The following MDGA2 variants were observed in gnomAD, a reference collection of about 807,000 sequenced individuals.
MDGA2 encodes the protein MAM domain containing glycosylphosphatidylinositol anchor 2.
MDGA2 carries 40 observed loss-of-function variants against 117.8 expected under a neutral mutation model. The observed-to-expected ratio is 0.34, with a 90% CI of 0.26 to 0.44. The LOEUF (loss-of-function observed/expected upper bound fraction) is 0.44, where lower values mean the gene tolerates loss of function less well. Ranked by LOEUF, MDGA2 falls within the 20% of genes least tolerant of loss-of-function variation. The pLI, the probability that MDGA2 is intolerant of heterozygous loss-of-function variation, is 1.00. For missense variants in MDGA2, 1,123 were observed against 1,250.6 expected, an observed-to-expected ratio of 0.90 and a Z score of 1.54; for synonymous variants, 452 against 439.0, an observed-to-expected ratio of 1.03 and a Z score of -0.37.
intron 1 of MDGA2, among the ~76,000 whole-genome samples, chr14:47,609,110 CAT>C (rs2138898200): frequency 6.6e-6 from 1 of 151,610 alleles, no homozygotes; most frequent in East Asian, 2.0e-4. Context: ...TATTTGGTTA[CAT>C]GAGTAAGTTC....
intron 8 of MDGA2, among the ~76,000 whole-genome samples, chr14:47,033,835 C>T (rs1888746398): frequency 6.6e-6 from 1 of 152,180 alleles, no homozygotes; most frequent in Non-Finnish European, 1.5e-5. Context: ...CCTTGTCTCT[C>T]ACCCCACACT....
intron 1 of MDGA2, among the ~76,000 whole-genome samples, chr14:47,561,163 G>GTTTTTT (rs1309865250): frequency 1.7e-4 from 14 of 83,870 alleles, no homozygotes; most frequent in Non-Finnish European, 2.4e-4. Flanking sequence ...GTTTTGTTTT[G>GTTTTTT]TTTTTTTGTT....
At chr14:46,895,075 G>A (rs1323312536) in intron 10 of MDGA2, among the ~76,000 whole-genome samples, 1 of 152,120 alleles carries the variant, frequency 6.6e-6, no homozygotes, top group Non-Finnish European at 1.5e-5. Flanking sequence ...TTAATAATTA[G>A]GGTTTGAGTT....
intron 1 of MDGA2, among the ~76,000 whole-genome samples, chr14:47,570,153 T>C (rs1895992190): frequency 6.6e-6 from 1 of 152,142 alleles, no homozygotes; most frequent in Non-Finnish European, 1.5e-5. Context: ...TTATCTTCTT[T>C]CTCAAATATG....
intron 1 of MDGA2, among the ~76,000 whole-genome samples, chr14:47,622,600 A>C (rs1479626563): frequency 3.3e-5 from 5 of 150,262 alleles, no homozygotes; most frequent in African/African-American, 1.2e-4. Context: ...TCTGTTGTCA[A>C]TTAAAGGTGG....
intron 3 of MDGA2, among the ~76,000 whole-genome samples, chr14:47,174,364 C>T (rs1397493570): frequency 6.6e-6 from 1 of 152,124 alleles, no homozygotes; most frequent in Non-Finnish European, 1.5e-5. Context: ...AGCACCACAC[C>T]ACACCTATTC....
intron 4 of MDGA2, among the ~76,000 whole-genome samples, chr14:47,139,517 A>G (rs751466146): frequency 7.2e-5 from 11 of 152,086 alleles, no homozygotes; most frequent in Non-Finnish European, 1.6e-4. Flanking sequence ...AGGTATGCCC[A>G]TATCTTGAAT....
intron 10 of MDGA2, among the ~76,000 whole-genome samples, chr14:46,908,069 C>T (rs755569888): frequency 2.0e-5 from 3 of 152,122 alleles, no homozygotes; most frequent in Non-Finnish European, 4.4e-5. Context: ...TATCATCACA[C>T]CACTATCATA....
At chr14:47,505,472 G>C (rs1354526424) in intron 1 of MDGA2, among the ~76,000 whole-genome samples, 1 of 152,066 alleles carries the variant, frequency 6.6e-6, no homozygotes, top group Non-Finnish European at 1.5e-5. Context: ...TCATAAATAA[G>C]TACAATTAAG....
intron 8 of MDGA2, among the ~76,000 whole-genome samples, chr14:46,982,203 G>A (rs1036709551): frequency 3.9e-5 from 6 of 152,024 alleles, no homozygotes; most frequent in Non-Finnish European, 5.9e-5. Flanking sequence ...TATCATACGA[G>A]TACTAACATG....
At chr14:47,565,208 A>G (rs1464341050) in intron 1 of MDGA2, among the ~76,000 whole-genome samples, 1 of 152,170 alleles carries the variant, frequency 6.6e-6, no homozygotes. Flanking sequence ...GAGTTGCCAG[A>G]GTTCTTGTGC....
At chr14:46,954,343 A>C (rs1487793693) in intron 9 of MDGA2, among the ~76,000 whole-genome samples, 1 of 152,024 alleles carries the variant, frequency 6.6e-6, no homozygotes, top group Non-Finnish European at 1.5e-5. Flanking sequence ...GTTCTTTGAA[A>C]TAGTGAGTTG....
At position 47,623,701 on chromosome 14, in the gene MDGA2, GA is replaced by G. The variant is rs893053929; in HGVS notation, c.280+50815del. On this transcript the variant is annotated intron_variant, in intron 1 of 16. Coordinates refer to ENST00000399232, the MANE Select transcript of MDGA2 (RefSeq NM_001113498.3). ...GTATTAATATCCTCATTTTATAACT[GA>G]AAAAAAAAATATTGAGGCTTGAGCA... Among the ~76,000 whole-genome samples the G allele has an allele frequency of 5.1e-4, 76 of 148,748 alleles. No homozygotes were observed. The South Asian group carries it at 7.9e-3, about 15-fold the overall frequency.
At chr14:47,125,906 G>T (rs2139124851) in intron 5 of MDGA2, among the ~76,000 whole-genome samples, 1 of 152,022 alleles carries the variant, frequency 6.6e-6, no homozygotes, top group Non-Finnish European at 1.5e-5. Flanking sequence ...TGCCTTTGAA[G>T]TTGTGAGACA....
At position 47,175,122 on chromosome 14, in the gene MDGA2, A is replaced by G. The variant is rs529351795; in HGVS notation, c.596-30848T>C. Among the ~76,000 whole-genome samples the G allele has an allele frequency of 1.1e-4, 16 of 151,840 alleles. No individual in the cohort carries two copies. The South Asian group carries it at 3.3e-3, about 32-fold the overall frequency. On this transcript the variant is annotated intron_variant, in intron 3 of 16. Coordinates refer to ENST00000399232, the MANE Select transcript of MDGA2 (RefSeq NM_001113498.3). ...AGGAAGAAGTTGAATCTCTGAATAG[A>G]CCAATAACAGGCTCTGAAATTGTGG... is the stretch of plus-strand genomic sequence containing the variant.
intron 6 of MDGA2, among the ~76,000 whole-genome samples, chr14:47,075,713 A>C (rs191838678): frequency 3.2e-4 from 49 of 152,284 alleles, no homozygotes; most frequent in East Asian, 3.9e-4. Flanking sequence ...TAAATAGAAA[A>C]ACTCAACTAA....
chr14:47,320,529 C>T (rs1165867860), intron 1 of MDGA2, among the ~76,000 whole-genome samples: 1 of 152,006 alleles, frequency 6.6e-6, no homozygotes, highest in Non-Finnish European at 1.5e-5. Flanking sequence ...CTTCATGCTC[C>T]CTTCCATTTT....
Position 46,855,711 on chromosome 14 carries a change from A to T in MDGA2, c.2753-557T>A, listed in dbSNP as rs535064799. ...GTTCTCCAGAATGATAAGCTAATAA[A>T]TTTGTGTTGTTTTAGATCATGAAGT... is the stretch of plus-strand genomic sequence containing the variant. On this transcript the variant is annotated intron_variant, in intron 14 of 16. Transcript: ENST00000399232. This position sits in a 1 kb window ranked among gnomAD's most constrained non-coding sequence, Gnocchi z 4.1. Among the ~76,000 whole-genome samples, 1 of 152,194 alleles carries T rather than the reference A, an allele frequency of 6.6e-6. No individual in the cohort carries two copies. Among genetic ancestry groups the T allele is most frequent in the Non-Finnish European group, 1.5e-5 (1 of 67,992 alleles).
chr14:47,617,739 A>G (rs908834005), intron 1 of MDGA2, among the ~76,000 whole-genome samples: 1 of 152,182 alleles, frequency 6.6e-6, no homozygotes, highest in Non-Finnish European at 1.5e-5. Flanking sequence ...GGTTACATGC[A>G]TATTATTTAT....
Sources: gnomAD v4.1 joint callset for allele counts (sites outside exome capture counted in the v4.1 genomes callset) on GRCh38, gnomAD v4.1.1 for gene constraint, Gnocchi (gnomAD v3.1) non-coding constraint, MANE v1.5 for transcripts, NCBI Gene and HGNC (gene_info 2026-07-23, HGNC 2026-07-21) for gene names.